RELCH: variants seen among roughly 807,000 people sequenced by gnomAD.
The protein encoded by RELCH is RAB11-binding protein RELCH.
A neutral mutation model predicts 150.3 loss-of-function variants in RELCH; 41 were observed. The observed-to-expected ratio is 0.27, with a 90% CI of 0.21 to 0.35. RELCH has a LOEUF of 0.35. Among genes scored for constraint, RELCH ranks in the 10% least tolerant of loss-of-function variants. The pLI is 1.00. For synonymous variants in RELCH, 478 were observed against 531.8 expected, an observed-to-expected ratio of 0.90 and a Z score of 1.39; for missense variants, 1,092 against 1,467.8, an observed-to-expected ratio of 0.74 and a Z score of 4.18.
chr18:62,216,623 A>G (rs1159868686), intron 2 of RELCH, among the ~76,000 whole-genome samples: 2 of 152,072 alleles, frequency 1.3e-5, no homozygotes, highest in South Asian at 2.1e-4. Context: ...TGCCCTCTCT[A>G]TAGTTCAAGC....
In RELCH at chr18:62,228,406, G is replaced by T; in HGVS notation, c.1256G>T (p.Ser419Ile). The T allele has an allele frequency of 1.2e-6, 2 of 1,613,376 alleles. No individual in the cohort carries two copies. Among genetic ancestry groups the T allele is most frequent in the Non-Finnish European group, 1.7e-6 (2 of 1,179,600 alleles). The change falls in exon 8 of 29, where the codon AGT becomes ATT. Residue 419 changes from serine to isoleucine, a missense_variant. Coordinates refer to ENST00000644646, the MANE Select transcript of RELCH (RefSeq NM_001346231.2). ...TTGCCCCACAAAGACTCTGAGGACA[G>T]TGGACAGCATCCAGATGTAAATAGT... ...DQLPHKDSED[S>I]GQHPDVNSSD...
chr18:62,212,522 A>G (rs1255181293), intron 2 of RELCH, among the ~76,000 whole-genome samples: 1 of 152,244 alleles, frequency 6.6e-6, no homozygotes, highest in Non-Finnish European at 1.5e-5. Context: ...TACTGGGACA[A>G]GTTTTTTAAA....
chr18:62,251,563 T>C (rs965941322), intron 11 of RELCH, among the ~76,000 whole-genome samples: 1 of 152,226 alleles, frequency 6.6e-6, no homozygotes, highest in African/African-American at 2.4e-5. Context: ...ACTTTGGTCA[T>C]ATTCTATTCA....
chr18:62,277,008 A>G (rs1232071137), intron 22 of RELCH, among the ~76,000 whole-genome samples: 2 of 152,128 alleles, frequency 1.3e-5, no homozygotes, highest in African/African-American at 4.8e-5. Flanking sequence ...CTATTTCTTT[A>G]ATATACTCTC....
intron 26 of RELCH, among the ~76,000 whole-genome samples, chr18:62,290,088 A>AT (rs1244753852): frequency 7.9e-5 from 12 of 152,228 alleles, no homozygotes; most frequent in African/African-American, 2.9e-4. Flanking sequence ...TGTTAAATTT[A>AT]TAAATCACTC....
At chr18:62,252,584 A>G in intron 11 of RELCH, 80 bp from the exon 12 acceptor site, 1 of 941,816 alleles carries the variant, frequency 1.1e-6, no homozygotes, top group Non-Finnish European at 1.7e-6. Context: ...GTGAATTTAT[A>G]GAGATGAGAC....
At chr18:62,250,429 G>A (rs751534439) in intron 11 of RELCH, among the ~76,000 whole-genome samples, 1 of 152,120 alleles carries the variant, frequency 6.6e-6, no homozygotes, top group Non-Finnish European at 1.5e-5. Context: ...CACTAATGAG[G>A]GCAAAAACAA....
chr18:62,189,327 G>T (rs763062864), intron 1 of RELCH, among the ~76,000 whole-genome samples: 3 of 128,264 alleles, frequency 2.3e-5, no homozygotes, highest in Non-Finnish European at 4.9e-5. Flanking sequence ...ATTATCTCAT[G>T]ATTTTTCACC....
At chr18:62,195,843 A>C (rs1162036581) in intron 1 of RELCH, among the ~76,000 whole-genome samples, 1 of 151,800 alleles carries the variant, frequency 6.6e-6, no homozygotes, top group Non-Finnish European at 1.5e-5. Context: ...CTACAGGCGC[A>C]TGCCACCACA....
chr18:62,210,403 A>G (rs1052367061), intron 1 of RELCH, among the ~76,000 whole-genome samples: 1 of 152,028 alleles, frequency 6.6e-6, no homozygotes, highest in Non-Finnish European at 1.5e-5. Flanking sequence ...TTTTGTCTGT[A>G]TTCTGCAGAT....
At chr18:62,275,222 T>C in intron 21 of RELCH, 152 bp from the exon 22 acceptor site, 2 of 473,824 alleles carry the variant, frequency 4.2e-6, no homozygotes, top group Non-Finnish European at 7.3e-6. Context: ...GCCGAGAATC[T>C]TAGTTGTAAC....
intron 27 of RELCH, among the ~76,000 whole-genome samples, chr18:62,297,026 A>G (rs1047137258): frequency 6.6e-6 from 1 of 152,220 alleles, no homozygotes; most frequent in African/African-American, 2.4e-5. Flanking sequence ...CCCTACCTCC[A>G]TTAGGGTATG....
At chr18:62,273,921 A>G (rs927208838) in intron 20 of RELCH, 59 bp from the exon 21 acceptor site, 5 of 1,003,712 alleles carry the variant, frequency 5.0e-6, no homozygotes, top group Non-Finnish European at 7.9e-6. Flanking sequence ...ATAGGTAAAT[A>G]TGGTATTTAG....
chr18:62,290,027 T>A (rs1454800503), intron 26 of RELCH, among the ~76,000 whole-genome samples: 2 of 152,224 alleles, frequency 1.3e-5, no homozygotes, highest in Non-Finnish European at 2.9e-5. Context: ...TAGCCCTCTA[T>A]ATGTCTATAG....
At chr18:62,201,979 T>C (rs1359585382) in intron 1 of RELCH, among the ~76,000 whole-genome samples, 1 of 152,186 alleles carries the variant, frequency 6.6e-6, no homozygotes, top group Non-Finnish European at 1.5e-5. Context: ...ATAAAACTAC[T>C]TTTGTATGTG....
intron 22 of RELCH, among the ~76,000 whole-genome samples, chr18:62,276,222 C>T (rs1210202477): frequency 6.6e-6 from 1 of 152,020 alleles, no homozygotes; most frequent in Non-Finnish European, 1.5e-5. Context: ...TGCCTTGGTT[C>T]AGTTTCCATC....
rs1436306549 is a variant in RELCH, at chr18:62,266,747, T to C, written c.2678T>C (p.Ile893Thr). ...QEILRLSEEN[I>T]DSSAGNGVLT... is the part of the protein sequence containing the mutation. ...ATTTTAAGACTATCTGAAGAAAACA[T>C]TGGTGAGTTTGTTCATTATTACTTT... The change falls in exon 19 of 29, where the codon ATT becomes ACT. Residue 893 changes from isoleucine to threonine, a missense_variant and splice_region_variant. Transcript: ENST00000644646. 1.9e-6 allele frequency: 3 copies of C among 1,578,298 alleles called. No homozygotes were observed. The highest frequency in any genetic ancestry group is 2.6e-6 in the Non-Finnish European group (3 of 1,151,102).
chr18:62,301,007 G>A (rs148145549), intron 28 of RELCH: 2,301 of 152,250 alleles, frequency 0.015, 21 homozygotes, highest in Non-Finnish European at 0.022. Flanking sequence ...CTGAAAGTGG[G>A]AAAAAGAAGC....
chr18:62,196,318 C>T (rs555351699), intron 1 of RELCH, among the ~76,000 whole-genome samples: 8 of 152,276 alleles, frequency 5.3e-5, no homozygotes, highest in Admixed American at 4.6e-4. Context: ...CAACCTCTGC[C>T]TCCTGGGTTC....
Sources: gnomAD v4.1 joint callset for allele counts (sites outside exome capture counted in the v4.1 genomes callset) on GRCh38, gnomAD v4.1.1 for gene constraint, MANE v1.5 for transcripts, NCBI Gene and HGNC (gene_info 2026-07-23, HGNC 2026-07-21) for gene names.